The following COL5A3 variants were observed in gnomAD, a reference collection of about 807,000 sequenced individuals.
The protein encoded by COL5A3 is collagen alpha-3(V) chain.
Under a neutral mutation model 250.0 loss-of-function variants are expected in COL5A3, and 172 were observed. That is an observed-to-expected ratio of 0.69 (90% CI 0.61 to 0.78). The LOEUF is 0.78. COL5A3 is among the 30% of genes least tolerant of loss of function. COL5A3 has a pLI of 0.00. For missense variants in COL5A3, 2,340 were observed against 2,334.4 expected, an observed-to-expected ratio of 1.00 and a Z score of -0.05; for synonymous variants, 937 against 900.4, an observed-to-expected ratio of 1.04 and a Z score of -0.73.
Position 9,975,871 on chromosome 19 carries a change from G to A in COL5A3, c.3342+687C>T, listed in dbSNP as rs1035880864. 5.3e-5 allele frequency among the ~76,000 whole-genome samples: 8 copies of A among 151,412 alleles called. No individual in the cohort carries two copies. The East Asian group carries it at 5.8e-4, about 11-fold the overall frequency. ...TAGGGTTGAGTTCATATTGGGTGTCGGTATTGAGGGAAATACATGGTTGGG... is the reference window on the plus strand; with the variant it reads ...TAGGGTTGAGTTCATATTGGGTGTCAGTATTGAGGGAAATACATGGTTGGG... On this transcript the variant is annotated intron_variant, in intron 45 of 66. Transcript: ENST00000264828.
chr19:9,973,874 G>A (rs2145077652), intron 48 of COL5A3, 45 bp downstream of exon 48: 1 of 1,605,488 alleles, frequency 6.2e-7, no homozygotes, highest in Non-Finnish European at 8.5e-7. Flanking sequence ...TTAGGAAATG[G>A]TTGTCCCCAT....
rs890321908 is a variant in COL5A3 at position 10,005,918 on chromosome 19, G to A, written c.315C>T (p.Val105=). The change falls in exon 3 of 67, where the codon GTC becomes GTT. Residue 105 remains valine (V), a synonymous_variant. Coordinates refer to ENST00000264828, the MANE Select transcript of COL5A3 (RefSeq NM_015719.4). Reference sequence around the variant, plus strand: ...CCCTTTCATCATAAATGGACAGCAGGACAGACTGATTGGCTGGCTGTCCCC... The same window carrying A: ...CCCTTTCATCATAAATGGACAGCAGAACAGACTGATTGGCTGGCTGTCCCC... ...TLRGQPANQS[V]LLSIYDERGA... 3 of 1,614,056 alleles carry A rather than the reference G, an allele frequency of 1.9e-6. No homozygotes were observed. The highest frequency in any genetic ancestry group is 2.5e-6 in the Non-Finnish European group (3 of 1,180,008).
intron 1 of COL5A3, among the ~76,000 whole-genome samples, chr19:10,008,110 A>G (rs2087467982): frequency 6.6e-6 from 1 of 151,986 alleles, no homozygotes; most frequent in Non-Finnish European, 1.5e-5. Context: ...TCTGCTGACC[A>G]CAAGAGTCAC....
rs2087271879 is a variant in COL5A3, at chr19:9,996,346, AC to A, written c.1423-85del. Reference sequence around the variant, plus strand: ...CAGAGGCATCTTCAGGAGAAAAATAACCCCCTTCTCCTGCCCAGCCCCTCCT... The same window carrying A: ...CAGAGGCATCTTCAGGAGAAAAATAACCCCTTCTCCTGCCCAGCCCCTCCT... On this transcript the variant is annotated intron_variant, in intron 13 of 66. Coordinates refer to ENST00000264828, the MANE Select transcript of COL5A3 (RefSeq NM_015719.4). 7.1e-6 allele frequency: 11 copies of A among 1,549,082 alleles called. No individual in the cohort carries two copies. In the South Asian group the frequency reaches 1.3e-4, roughly 18 times the overall value.
chr19:9,973,112 G>A, intron 50 of COL5A3, 86 bp from the exon 51 acceptor site: 3 of 1,258,580 alleles, frequency 2.4e-6, no homozygotes, highest in Non-Finnish European at 3.3e-6. Flanking sequence ...CATTGGGGTG[G>A]TCTGGGACTT....
intron 64 of COL5A3, among the ~76,000 whole-genome samples, chr19:9,964,752 C>T (rs967775444): frequency 6.6e-6 from 1 of 150,564 alleles, no homozygotes; most frequent in East Asian, 1.9e-4. Context: ...AGGCCAGGTG[C>T]GGTGGCTCAT....
chr19:9,986,728 C>A lies in COL5A3; in HGVS notation c.2176G>T (p.Glu726Ter). 1 of 1,613,650 alleles carries A rather than the reference C, an allele frequency of 6.2e-7. No individual in the cohort carries two copies. Among genetic ancestry groups the A allele is most frequent in the Non-Finnish European group, 8.5e-7 (1 of 1,179,966 alleles). ...TCTCTCCTCACCTTCTCGCCTTTCT[C>A]CCCCTGGAGGCCCCGGTTGCCTGAA... ...GTSGNRGLQG[E>*]KGEKGEDGFP... is the part of the protein sequence containing the mutation. Residue 726 changes from glutamate (E) to a stop codon, truncating the protein, a stop_gained, in exon 28 of 67, where the codon GAG becomes TAG. Transcript: ENST00000264828. LOFTEE classifies it high-confidence loss of function.
intron 37 of COL5A3, 127 bp from the exon 38 acceptor site, chr19:9,979,544 C>T: frequency 1.0e-6 from 1 of 996,526 alleles, no homozygotes; most frequent in Non-Finnish European, 1.5e-6. Context: ...AATCCCAGCA[C>T]TTTGGGAGGC....
In COL5A3 at chr19:9,986,559, A is replaced by C. The variant is rs1599553169; in HGVS notation, c.2238T>G (p.Gly746=). The C allele has an allele frequency of 6.2e-7, 1 of 1,613,002 alleles. No individual in the cohort carries two copies. Among genetic ancestry groups the C allele is most frequent in the Non-Finnish European group, 8.5e-7 (1 of 1,179,780 alleles). ...CATCTGGAGCTGGTCTTACCTGATC[A>C]CCTTTGAGCCCCACATCGCCCTTGA... ...PGFKGDVGLK[G]DQGKPGAPGP... is the part of the protein sequence containing the mutation. The change falls in exon 29 of 67, where the codon GGT becomes GGG. Residue 746 remains glycine, a synonymous_variant. Transcript: ENST00000264828.
chr19:9,985,262 ATT>A (rs61409571), intron 31 of COL5A3, among the ~76,000 whole-genome samples: 2,018 of 128,076 alleles, frequency 0.016, 42 homozygotes, highest in African/African-American at 0.054. Flanking sequence ...CATCTGGCTA[ATT>A]TTTTTTTTTT....
At chr19:9,965,994 C>T (rs1490869138) in intron 64 of COL5A3, among the ~76,000 whole-genome samples, 3 of 151,372 alleles carry the variant, frequency 2.0e-5, no homozygotes, top group African/African-American at 2.4e-5. Flanking sequence ...CCACCATGCC[C>T]GCCAGTTTTT....
chr19:10,003,065 C>T (rs1272450988), intron 6 of COL5A3, among the ~76,000 whole-genome samples: 1 of 152,102 alleles, frequency 6.6e-6, no homozygotes, highest in African/African-American at 2.4e-5. Context: ...TCAATGATTC[C>T]CCACTATCCA....
At chr19:9,983,097 G>A (rs1223483507) in intron 31 of COL5A3, among the ~76,000 whole-genome samples, 5 of 152,024 alleles carry the variant, frequency 3.3e-5, no homozygotes, top group African/African-American at 4.8e-5. Flanking sequence ...CCGGCCTCTA[G>A]TGATTCTCCT....
At position 10,007,040 on chromosome 19, in the gene COL5A3, C is replaced by T. The variant is rs370258774; in HGVS notation, c.89-809G>A. Among the ~76,000 whole-genome samples the T allele has an allele frequency of 1.1e-4, 17 of 150,398 alleles. 1 individual carries two copies. The East Asian group carries it at 1.8e-3, about 16-fold the overall frequency. On this transcript the variant is annotated intron_variant, in intron 1 of 66. Transcript: ENST00000264828. Reference sequence around the variant, plus strand: ...CTCCTCTCCTGACTTTCCCCTCTGACCTCCTCCCTCTGACTTTCCCCTTTG... The same window carrying T: ...CTCCTCTCCTGACTTTCCCCTCTGATCTCCTCCCTCTGACTTTCCCCTTTG...
At chr19:10,001,344 A>G (rs1468626126) in intron 8 of COL5A3, among the ~76,000 whole-genome samples, 180 bp downstream of exon 8, 2 of 152,062 alleles carry the variant, frequency 1.3e-5, no homozygotes, top group Non-Finnish European at 2.9e-5. Flanking sequence ...ATGGGATTTC[A>G]CCACGTTGGT....
In COL5A3 at chr19:9,969,610, C is replaced by T; in HGVS notation, c.4063G>A (p.Gly1355Arg). ...GGGATCCCTCGAAGACCCTCAGGCC[C>T]CACACGTCCAGGGGGCCCTCTAGCC... ...MGARGPPGRVGPEGLRGIPGP... is the reference protein window; with the variant it reads ...MGARGPPGRVRPEGLRGIPGP... Residue 1355 changes from glycine (G) to arginine (R), a missense_variant, in exon 56 of 67, where the codon GGG (glycine) becomes AGG (arginine). Gly to Arg is a moderately radical substitution (Grantham distance 125). This residue lies in a region of COL5A3 where 1,179 missense variants were observed against 1,162.6 expected (regional missense o/e 1.01). Transcript: ENST00000264828. The T allele has an allele frequency of 6.2e-7, 1 of 1,605,316 alleles. No homozygotes were observed. The highest frequency in any genetic ancestry group is 8.5e-7 in the Non-Finnish European group (1 of 1,177,648).
In COL5A3 at chr19:9,971,040, G is replaced by A. The variant is rs186951793; in HGVS notation, c.3829-12C>T. ...GAACCATCTATGCCCTGCATGGGGG[G>A]AAGACAGAGTTGGGAGGGGTGATGA... On this transcript the variant is annotated splice_polypyrimidine_tract_variant and intron_variant, in intron 52 of 66. Coordinates refer to ENST00000264828, the MANE Select transcript of COL5A3 (RefSeq NM_015719.4). The A allele has an allele frequency of 1.5e-4, 225 of 1,512,860 alleles. No homozygotes were observed. In the Middle Eastern group the frequency reaches 2.7e-3, roughly 18 times the overall value. 93.7% of individuals were successfully genotyped at this position (1,512,860 alleles called of 1,614,324 possible).
At chr19:9,984,346 C>T (rs1206759790) in intron 31 of COL5A3, among the ~76,000 whole-genome samples, 1 of 152,106 alleles carries the variant, frequency 6.6e-6, no homozygotes, top group African/African-American at 2.4e-5. Flanking sequence ...GGTTCCTGCT[C>T]TACTCTAGAG....
In COL5A3 at chr19:9,980,130, G is replaced by A. The variant is rs186838242; in HGVS notation, c.2605-83C>T. ...AGCCCCACATAATGACAACAGGATCGAGCACATATTGAGTGCTTACTGCAT... is the reference window on the plus strand; with the variant it reads ...AGCCCCACATAATGACAACAGGATCAAGCACATATTGAGTGCTTACTGCAT... On this transcript the variant is annotated intron_variant, in intron 35 of 66. Coordinates refer to ENST00000264828, the MANE Select transcript of COL5A3 (RefSeq NM_015719.4). The A allele has an allele frequency of 6.7e-3, 8,941 of 1,336,914 alleles. 84 individuals carry two copies. Among genetic ancestry groups the A allele is most frequent in the Admixed American group, 0.053 (2,039 of 38,150 alleles). The allele number at this position is 1,336,914 out of a possible 1,614,324, so 82.8% of individuals were successfully genotyped here.
Sources: allele counts gnomAD v4.1 joint callset (sites outside exome capture counted in the v4.1 genomes callset), GRCh38; gene constraint gnomAD v4.1.1; regional missense constraint gnomAD v4.1.1; transcripts MANE v1.5; gene names NCBI Gene and HGNC (gene_info 2026-07-23, HGNC 2026-07-21).